Variants in HERC6 observed in about 807,000 individuals in gnomAD.
The protein encoded by HERC6 is HECT and RLD domain containing E3 ubiquitin protein ligase family member 6, also known as probable E3 ubiquitin-protein ligase HERC6.
A neutral mutation model predicts 114.5 loss-of-function variants in HERC6; 101 were observed. The observed-to-expected ratio is 0.88, with a 90% CI of 0.75 to 1.04. The LOEUF is 1.04. Ranked by LOEUF, HERC6 falls within the 50% of genes least tolerant of loss-of-function variation. The pLI is 0.00. For missense variants in HERC6, 1,133 were observed against 1,230.9 expected (o/e 0.92, Z 1.19); for synonymous variants, 408 against 436.2 (o/e 0.94, Z 0.81).
At position 88,436,949 on chromosome 4, in the gene HERC6, A is replaced by ATGCG; in HGVS notation, c.2463_2466dup (p.Leu823CysfsTer14). On this transcript the variant is annotated frameshift_variant, in exon 19 of 23. Coordinates refer to ENST00000264346, the MANE Select transcript of HERC6 (RefSeq NM_017912.4). LOFTEE classifies it high-confidence loss of function. ...GATGATGCTGCTGATGACATTGGAG[A>ATGCG]TGCGCTCTGCATACGCTTTTCTGTG... 1 of 1,607,514 alleles carries ATGCG rather than the reference A, an allele frequency of 6.2e-7. No homozygotes were observed. Among genetic ancestry groups the ATGCG allele is most frequent in the Non-Finnish European group, 8.5e-7 (1 of 1,176,492 alleles).
intron 6 of HERC6, 75 bp from the exon 7 acceptor site, chr4:88,396,776 G>A (rs950563219): frequency 1.5e-6 from 2 of 1,348,330 alleles, no homozygotes; most frequent in Middle Eastern, 4.0e-4. Context: ...TTGTTATTTT[G>A]TCTTAAGGGA....
At chr4:88,386,929 T>C (rs1578369678) in intron 3 of HERC6, among the ~76,000 whole-genome samples, 2 of 152,330 alleles carry the variant, frequency 1.3e-5, no homozygotes, top group Middle Eastern at 6.8e-3. Context: ...TGGTGTGGCA[T>C]ATCCTGACCC....
At chr4:88,416,466 T>C (rs1736489198) in intron 12 of HERC6, among the ~76,000 whole-genome samples, 2 of 152,140 alleles carry the variant, frequency 1.3e-5, no homozygotes, top group South Asian at 4.1e-4. Context: ...CTTTGTGGTA[T>C]TTTTGCTATG....
intron 12 of HERC6, among the ~76,000 whole-genome samples, chr4:88,416,766 G>A (rs1041177918): frequency 5.3e-5 from 8 of 151,814 alleles, no homozygotes; most frequent in East Asian, 1.9e-4. Context: ...TTAAAGTTTC[G>A]TGTGTATTTG....
At chr4:88,425,739 T>TCAGTTAAGTA (rs1242704246) in intron 15 of HERC6, among the ~76,000 whole-genome samples, 1 of 152,188 alleles carries the variant, frequency 6.6e-6, no homozygotes, top group Non-Finnish European at 1.5e-5. Context: ...GCCTTAGTTC[T>TCAGTTAAGTA]CAGTTAAGTA....
Position 88,383,763 on chromosome 4 carries a change from CAAAAAAAAAAAAAAAA to C in HERC6, c.359+398_359+413del, listed in dbSNP as rs753643806. 1.7e-4 allele frequency among the ~76,000 whole-genome samples: 5 copies of C among 28,740 alleles called. 1 individual carries two copies. In the Admixed American group the frequency reaches 1.8e-3, roughly 11 times the overall value. The allele number at this position is 28,740 out of a possible 152,430, so 18.9% of individuals were successfully genotyped here. A position where few individuals can be genotyped will look rare whatever the true frequency, so the allele number is the denominator to read the frequency against. On this transcript the variant is annotated intron_variant, in intron 2 of 22. Transcript: ENST00000264346. ...TGGGCAACAGAGGGAGACTCAGTCTCAAAAAAAAAAAAAAAAAAAAAAAAAAAAAAGACTATGACAA... is the reference window on the plus strand; with the variant it reads ...TGGGCAACAGAGGGAGACTCAGTCTCAAAAAAAAAAAAAAGACTATGACAA...
chr4:88,395,573 T>C (rs965605593), intron 5 of HERC6, among the ~76,000 whole-genome samples: 6 of 152,180 alleles, frequency 3.9e-5, no homozygotes, highest in Admixed American at 1.3e-4. Flanking sequence ...GATTAGAATC[T>C]TTAAGATCTA....
intron 8 of HERC6, among the ~76,000 whole-genome samples, chr4:88,400,225 G>T (rs1447557772): frequency 6.6e-6 from 1 of 152,050 alleles, no homozygotes; most frequent in African/African-American, 2.4e-5. Context: ...TTGTTTTTTT[G>T]TTGTTTTGAG....
intron 6 of HERC6, 89 bp downstream of exon 6, chr4:88,396,231 A>C: frequency 8.8e-7 from 1 of 1,132,340 alleles, no homozygotes; most frequent in Non-Finnish European, 1.2e-6. Flanking sequence ...GAATGTTATC[A>C]AACCTTAAAA....
intron 7 of HERC6, 113 bp downstream of exon 7, chr4:88,397,100 A>G (rs546264194): frequency 1.3e-6 from 1 of 779,750 alleles, no homozygotes; most frequent in East Asian, 3.3e-5. Flanking sequence ...TAGTACTTTT[A>G]TTTTTATTTT....
Position 88,423,874 on chromosome 4 carries a change from C to T in HERC6, c.1728C>T (p.Asn576=), listed in dbSNP as rs777423473. ...MKELHKVNKA[N]CRLPENTFNI... is the part of the protein sequence containing the mutation. ...TTCTCTTTAAGGTAAACAAAGCTAA[C>T]TGTCGACTACCAGAAAATACTTTCA... The change falls in exon 14 of 23, where the codon AAC becomes AAT. Residue 576 remains asparagine, a synonymous_variant. Transcript: ENST00000264346. 2.0e-6 allele frequency: 3 copies of T among 1,530,850 alleles called. No individual in the cohort carries two copies. In the South Asian group the frequency reaches 3.8e-5, roughly 19 times the overall value. 94.8% of individuals were successfully genotyped at this position (1,530,850 alleles called of 1,614,324 possible).
chr4:88,390,156 T>C (rs1192080248), intron 3 of HERC6, among the ~76,000 whole-genome samples: 5 of 113,472 alleles, frequency 4.4e-5, no homozygotes, highest in Non-Finnish European at 8.3e-5. Context: ...CCAGTCTGGA[T>C]GACAGAATGA....
intron 13 of HERC6, among the ~76,000 whole-genome samples, chr4:88,420,022 GCTCT>G (rs372434354): frequency 6.7e-6 from 1 of 148,450 alleles, no homozygotes; most frequent in South Asian, 2.2e-4. Context: ...CTCTCCCTCT[GCTCT>G]CTCTCTCTCT....
chr4:88,416,432 T>C (rs550281018), intron 12 of HERC6, among the ~76,000 whole-genome samples: 4 of 152,278 alleles, frequency 2.6e-5, no homozygotes, highest in South Asian at 2.1e-4. Flanking sequence ...TGCAAGTATT[T>C]AGGCTATTAA....
intron 7 of HERC6, 64 bp from the exon 8 acceptor site, chr4:88,398,078 A>T: frequency 8.9e-7 from 1 of 1,125,466 alleles, no homozygotes; most frequent in Non-Finnish European, 1.3e-6. Context: ...TTTTGGCTTG[A>T]TAATACATCA....
intron 15 of HERC6, among the ~76,000 whole-genome samples, chr4:88,425,346 TTTAA>T (rs1181541388): frequency 1.3e-5 from 2 of 152,196 alleles, no homozygotes; most frequent in African/African-American, 2.4e-5. Flanking sequence ...TCACGTTGAT[TTTAA>T]TTTATATTTC....
chr4:88,423,906 A>G lies in HERC6; in HGVS notation c.1760A>G (p.Asn587Ser). The G allele has an allele frequency of 6.3e-7, 1 of 1,579,984 alleles. No individual in the cohort carries two copies. Among genetic ancestry groups the G allele is most frequent in the Non-Finnish European group, 8.6e-7 (1 of 1,165,194 alleles). ...CRLPENTFNI[N>S]ELSNLLNFYI... ...CTACCAGAAAATACTTTCAACATAA[A>G]TGAACTCTCCAACTTATTAAACTTT... is the stretch of plus-strand genomic sequence containing the variant. Residue 587 changes from asparagine (N) to serine (S), a missense_variant, in exon 14 of 23, where the codon AAT (asparagine) becomes AGT (serine). Coordinates refer to ENST00000264346, the MANE Select transcript of HERC6 (RefSeq NM_017912.4).
At chr4:88,392,631 G>T (rs188845908) in intron 4 of HERC6, among the ~76,000 whole-genome samples, 9 of 152,328 alleles carry the variant, frequency 5.9e-5, no homozygotes, top group Admixed American at 2.0e-4. Context: ...CTGGGGGCAT[G>T]AAGGGAGGAT....
intron 3 of HERC6, 98 bp from the exon 4 acceptor site, chr4:88,390,554 C>A: frequency 9.1e-7 from 1 of 1,095,786 alleles, no homozygotes; most frequent in Non-Finnish European, 1.3e-6. Context: ...AATTATCCCT[C>A]ATTAAAGCCA....
Sources: allele counts gnomAD v4.1 joint callset (sites outside exome capture counted in the v4.1 genomes callset), GRCh38; gene constraint gnomAD v4.1.1; transcripts MANE v1.5; gene names NCBI Gene and HGNC (gene_info 2026-07-23, HGNC 2026-07-21).